The following CDKAL1 variants were observed in gnomAD, a reference collection of about 807,000 sequenced individuals.
The protein encoded by CDKAL1 is CDKAL1 threonylcarbamoyladenosine tRNA methylthiotransferase.
Under a neutral mutation model 68.2 loss-of-function variants are expected in CDKAL1, and 32 were observed. The observed-to-expected ratio is 0.47, with a 90% CI of 0.35 to 0.63. The LOEUF (loss-of-function observed/expected upper bound fraction) is 0.63. Ranked by LOEUF, CDKAL1 falls within the 30% of genes least tolerant of loss-of-function variation. The pLI is 0.00. For missense variants in CDKAL1, 606 were observed against 696.7 expected, an observed-to-expected ratio of 0.87 and a Z score of 1.47; for synonymous variants, 234 against 244.3, an observed-to-expected ratio of 0.96 and a Z score of 0.39.
intron 6 of CDKAL1, among the ~76,000 whole-genome samples, chr6:20,743,104 A>G (rs1466460291): frequency 6.6e-6 from 1 of 152,182 alleles, no homozygotes; most frequent in East Asian, 1.9e-4. Flanking sequence ...ACAGTTCTGA[A>G]GTCCAAAAAG....
intron 4 of CDKAL1, among the ~76,000 whole-genome samples, chr6:20,587,466 C>A (rs1317797217): frequency 6.6e-6 from 1 of 152,098 alleles, no homozygotes; most frequent in East Asian, 1.9e-4. Context: ...GGCATGGTGG[C>A]TCATGCTTGT....
At chr6:20,768,188 A>G (rs1041525430) in intron 7 of CDKAL1, among the ~76,000 whole-genome samples, 4 of 152,120 alleles carry the variant, frequency 2.6e-5, no homozygotes, top group African/African-American at 9.7e-5. Context: ...GATTGAGACT[A>G]TGAAGAGCTG....
chr6:20,925,978 T>A (rs1301513231), intron 9 of CDKAL1, among the ~76,000 whole-genome samples: 2 of 152,158 alleles, frequency 1.3e-5, no homozygotes, highest in African/African-American at 4.8e-5. Flanking sequence ...AAAAATAAAT[T>A]GGTACATCTT....
At chr6:21,086,686 T>G (rs1433984898) in intron 12 of CDKAL1, among the ~76,000 whole-genome samples, 1 of 152,134 alleles carries the variant, frequency 6.6e-6, no homozygotes, top group East Asian at 1.9e-4. Flanking sequence ...TTTTTTAAAC[T>G]CTATCCACCT....
At chr6:20,936,131 A>G (rs1763694163) in intron 9 of CDKAL1, among the ~76,000 whole-genome samples, 1 of 151,434 alleles carries the variant, frequency 6.6e-6, no homozygotes, top group African/African-American at 2.4e-5. Flanking sequence ...TGACAATATT[A>G]TCTTCACATC....
chr6:20,821,280 A>G (rs1393955478), intron 8 of CDKAL1, among the ~76,000 whole-genome samples: 3 of 152,060 alleles, frequency 2.0e-5, no homozygotes, highest in East Asian at 3.9e-4. Flanking sequence ...TGAAGTCCGA[A>G]TGGAAGAAGA....
intron 13 of CDKAL1, among the ~76,000 whole-genome samples, chr6:21,149,698 C>T (rs1161228877): frequency 1.3e-5 from 2 of 152,046 alleles, no homozygotes; most frequent in Non-Finnish European, 2.9e-5. Flanking sequence ...AAAGTGACTG[C>T]GTTCACTGAG....
intron 4 of CDKAL1, among the ~76,000 whole-genome samples, chr6:20,603,783 T>TTTTTTG (rs1766211924): frequency 7.3e-6 from 1 of 136,678 alleles, no homozygotes; most frequent in Non-Finnish European, 1.6e-5. Context: ...TTTTTTTTTT[T>TTTTTTG]TTTTTTTTTT....
At chr6:20,716,848 G>A (rs1239962440) in intron 5 of CDKAL1, among the ~76,000 whole-genome samples, 1 of 151,914 alleles carries the variant, frequency 6.6e-6, no homozygotes, top group African/African-American at 2.4e-5. Context: ...CCATGGGACT[G>A]CAGAAGATCA....
At chr6:21,134,759 A>G (rs1269401341) in intron 13 of CDKAL1, among the ~76,000 whole-genome samples, 1 of 152,152 alleles carries the variant, frequency 6.6e-6, no homozygotes, top group Non-Finnish European at 1.5e-5. Context: ...ATTATATAAA[A>G]TGTAATGCAG....
chr6:20,686,811 T>TGTTA (rs1770650254), intron 5 of CDKAL1, among the ~76,000 whole-genome samples: 1 of 152,194 alleles, frequency 6.6e-6, no homozygotes, highest in South Asian at 2.1e-4. Context: ...TTAAGTATGA[T>TGTTA]GTTAGCTATA....
At chr6:20,780,766 C>T (rs557865485) in intron 7 of CDKAL1, among the ~76,000 whole-genome samples, 28 of 151,104 alleles carry the variant, frequency 1.9e-4, no homozygotes, top group African/African-American at 3.6e-4. Context: ...CTCCGCCTCC[C>T]GGGCTCGAGC....
intron 8 of CDKAL1, among the ~76,000 whole-genome samples, chr6:20,839,300 T>C (rs943181676): frequency 6.6e-6 from 1 of 152,212 alleles, no homozygotes; most frequent in Non-Finnish European, 1.5e-5. Context: ...TTTGTGAGCC[T>C]TCATTATGAC....
intron 10 of CDKAL1, among the ~76,000 whole-genome samples, chr6:20,968,242 T>G (rs1291148525): frequency 1.3e-5 from 2 of 151,378 alleles, no homozygotes; most frequent in Non-Finnish European, 2.9e-5. Context: ...CACTGCATCC[T>G]TGACTTCCTG....
At chr6:20,696,810 T>A (rs1220630957) in intron 5 of CDKAL1, among the ~76,000 whole-genome samples, 1 of 152,198 alleles carries the variant, frequency 6.6e-6, no homozygotes, top group African/African-American at 2.4e-5. Flanking sequence ...TGCTCATTTC[T>A]TTCCAGCTTT....
intron 5 of CDKAL1, among the ~76,000 whole-genome samples, chr6:20,655,758 G>C (rs1768999008): frequency 6.6e-6 from 1 of 152,096 alleles, no homozygotes; most frequent in Admixed American, 6.6e-5. Flanking sequence ...AAAAATGTTG[G>C]GGGGACCGCT....
At chr6:20,546,789 G>T (rs1763624441) in intron 3 of CDKAL1, among the ~76,000 whole-genome samples, 1 of 152,064 alleles carries the variant, frequency 6.6e-6, no homozygotes, top group East Asian at 1.9e-4. Context: ...CCTAACCTCA[G>T]GTGATCTGCC....
rs189452090 is a variant in CDKAL1, at chr6:20,628,452, C to T, written c.287-20841C>T. ...CATACAATACTTAAGGCACCAAAGACATTAACTGGCTCTGAATCAACTTCA... is the reference window on the plus strand; with the variant it reads ...CATACAATACTTAAGGCACCAAAGATATTAACTGGCTCTGAATCAACTTCA... On this transcript the variant is annotated intron_variant, in intron 4 of 15. Transcript: ENST00000274695. 9.4e-4 allele frequency among the ~76,000 whole-genome samples: 143 copies of T among 152,268 alleles called. 1 individual carries two copies. Among genetic ancestry groups the T allele is most frequent in the Non-Finnish European group, 1.5e-3 (102 of 68,000 alleles).
chr6:21,068,448 C>T (rs1273934670), intron 12 of CDKAL1, among the ~76,000 whole-genome samples: 2 of 152,002 alleles, frequency 1.3e-5, no homozygotes, highest in African/African-American at 4.8e-5. Flanking sequence ...TTTTTTGCCT[C>T]GGAAGCTATC....
Sources: allele counts gnomAD v4.1 joint callset (sites outside exome capture counted in the v4.1 genomes callset), GRCh38; gene constraint gnomAD v4.1.1; transcripts MANE v1.5; gene names NCBI Gene and HGNC (gene_info 2026-07-23, HGNC 2026-07-21).